PRKG1: variants seen among roughly 807,000 people sequenced by gnomAD.
PRKG1 encodes the protein protein kinase cGMP-dependent 1, also known as cGMP-dependent protein kinase 1.
Under a neutral mutation model 88.1 loss-of-function variants are expected in PRKG1, and 35 were observed. The observed-to-expected ratio is 0.40, with a 90% CI of 0.30 to 0.53. The LOEUF (loss-of-function observed/expected upper bound fraction) is 0.53. PRKG1 is among the 20% of genes least tolerant of loss of function. The probability of loss-of-function intolerance (pLI) is 0.59; values close to 1 mark genes in which losing one functional copy is unlikely to be tolerated. For missense variants in PRKG1, 540 were observed against 839.8 expected (o/e 0.64, Z 4.41); for synonymous variants, 303 against 292.5 (o/e 1.04, Z -0.37).
intron 1 of PRKG1, among the ~76,000 whole-genome samples, chr10:51,029,907 G>C (rs1385183259): frequency 2.0e-5 from 3 of 152,090 alleles, no homozygotes; most frequent in Non-Finnish European, 4.4e-5. Flanking sequence ...ATGTTCTCAT[G>C]TGGGGAAGAT....
rs185783763 is a variant in PRKG1 at position 51,539,185 on chromosome 10, T to A, written c.592+71349T>A. ...TGTTTATGTTCTTTAACATAAACAG[T>A]ATTCACAGTATAGAGATTTGCTAAA... On this transcript the variant is annotated intron_variant, in intron 3 of 17. Coordinates refer to ENST00000373980, the MANE Select transcript of PRKG1 (RefSeq NM_006258.4). Among the ~76,000 whole-genome samples the A allele has an allele frequency of 9.3e-3, 1,416 of 152,234 alleles. 10 individuals are homozygous for A. Among genetic ancestry groups the A allele is most frequent in the Non-Finnish European group, 0.015 (1,029 of 67,972 alleles).
At chr10:52,193,569 A>C (rs1167420088) in intron 9 of PRKG1, among the ~76,000 whole-genome samples, 19 of 140,880 alleles carry the variant, frequency 1.3e-4, no homozygotes, top group African/African-American at 4.9e-4. Context: ...AAAACAAAAA[A>C]AAAAAACAAA....
chr10:51,303,772 T>C lies in PRKG1; in HGVS notation c.478+150442T>C, dbSNP rs550371577. Among the ~76,000 whole-genome samples the C allele has an allele frequency of 5.9e-5, 9 of 152,106 alleles. No individual in the cohort carries two copies. In the South Asian group the frequency reaches 1.7e-3, roughly 28 times the overall value. The stretch of plus-strand genomic sequence containing the variant: ...TAATTCTCTTTAAGATATCACAAAC[T>C]ATTTTTCAATTTTAAAATAAAACTA... On this transcript the variant is annotated intron_variant, in intron 2 of 17. Coordinates refer to ENST00000373980, the MANE Select transcript of PRKG1 (RefSeq NM_006258.4).
intron 3 of PRKG1, among the ~76,000 whole-genome samples, chr10:51,560,446 C>G (rs1429336458): frequency 6.6e-6 from 1 of 152,056 alleles, no homozygotes; most frequent in African/African-American, 2.4e-5. Context: ...AACAGACCTT[C>G]CCTCTTGCAA....
intron 9 of PRKG1, among the ~76,000 whole-genome samples, chr10:52,228,952 A>G (rs1462118454): frequency 6.6e-6 from 1 of 152,234 alleles, no homozygotes; most frequent in Non-Finnish European, 1.5e-5. Context: ...ATGAGTTTTT[A>G]TTCCACTGAC....
chr10:51,771,873 C>T (rs1040049362), intron 3 of PRKG1, among the ~76,000 whole-genome samples: 4 of 152,010 alleles, frequency 2.6e-5, no homozygotes, highest in East Asian at 1.9e-4. Flanking sequence ...TCTAAATATA[C>T]GTATAACAGT....
rs560085725 is a variant in PRKG1 at position 51,952,930 on chromosome 10, A to C, written c.762+45360A>C. On this transcript the variant is annotated intron_variant, in intron 5 of 17. Transcript: ENST00000373980. ...GAGCCTGGGACAGTGTGATTAATACATGTTTATTGTATCCAAGTGAATCTA... is the reference window on the plus strand; with the variant it reads ...GAGCCTGGGACAGTGTGATTAATACCTGTTTATTGTATCCAAGTGAATCTA... Among the ~76,000 whole-genome samples the C allele has an allele frequency of 2.6e-5, 4 of 152,314 alleles. No homozygotes were observed. In the East Asian group the frequency reaches 7.7e-4, roughly 29 times the overall value.
chr10:51,645,393 T>C (rs1404956689), intron 3 of PRKG1, among the ~76,000 whole-genome samples: 1 of 152,212 alleles, frequency 6.6e-6, no homozygotes, highest in Non-Finnish European at 1.5e-5. Flanking sequence ...ATGTCTCATA[T>C]TTGAACTACA....
intron 10 of PRKG1, among the ~76,000 whole-genome samples, chr10:52,261,649 A>G (rs1841436315): frequency 6.6e-6 from 1 of 152,076 alleles, no homozygotes; most frequent in South Asian, 2.1e-4. Context: ...TCTCTTGTGT[A>G]TCCTATGAAA....
intron 3 of PRKG1, among the ~76,000 whole-genome samples, chr10:51,487,633 G>A (rs905720220): frequency 2.8e-5 from 4 of 143,242 alleles, no homozygotes; most frequent in African/African-American, 5.3e-5. Flanking sequence ...AGAGAAGGAA[G>A]AGCCAGATTA....
At chr10:51,088,997 C>T (rs1158679573) in intron 1 of PRKG1, among the ~76,000 whole-genome samples, 1 of 152,068 alleles carries the variant, frequency 6.6e-6, no homozygotes, top group Non-Finnish European at 1.5e-5. Context: ...ATTGCCTGTG[C>T]TCCAAATGGT....
chr10:51,682,934 T>C (rs1840887349), intron 3 of PRKG1, among the ~76,000 whole-genome samples: 2 of 152,228 alleles, frequency 1.3e-5, no homozygotes, highest in South Asian at 4.1e-4. Flanking sequence ...AACTCTCTCT[T>C]CTACCTCTGC....
At chr10:52,118,157 G>T (rs1425324403) in intron 7 of PRKG1, among the ~76,000 whole-genome samples, 2 of 151,758 alleles carry the variant, frequency 1.3e-5, no homozygotes, top group Non-Finnish European at 2.9e-5. Flanking sequence ...ATTTATACTG[G>T]CATTATTTTC....
chr10:52,001,454 T>C (rs962516171), intron 5 of PRKG1, among the ~76,000 whole-genome samples: 1 of 151,954 alleles, frequency 6.6e-6, no homozygotes, highest in African/African-American at 2.4e-5. Flanking sequence ...CATCCAAACA[T>C]CACATTGTAT....
chr10:51,039,574 A>G (rs566619202), intron 1 of PRKG1, among the ~76,000 whole-genome samples: 40 of 151,872 alleles, frequency 2.6e-4, no homozygotes, highest in African/African-American at 8.9e-4. Flanking sequence ...GCTGTGGAGA[A>G]GTTTTTGTGT....
At chr10:51,921,897 A>C (rs1156738481) in intron 5 of PRKG1, among the ~76,000 whole-genome samples, 1 of 151,894 alleles carries the variant, frequency 6.6e-6, no homozygotes, top group Non-Finnish European at 1.5e-5. Context: ...TCTTTTTCTA[A>C]TTTTGGTATA....
At chr10:51,602,327 A>G (rs1204453219) in intron 3 of PRKG1, among the ~76,000 whole-genome samples, 2 of 152,206 alleles carry the variant, frequency 1.3e-5, no homozygotes, top group East Asian at 3.9e-4. Flanking sequence ...ACTAAAATAT[A>G]TGAATCAGAA....
intron 2 of PRKG1, among the ~76,000 whole-genome samples, chr10:51,241,124 C>G (rs1022839132): frequency 1.3e-5 from 2 of 152,086 alleles, no homozygotes; most frequent in African/African-American, 4.8e-5. Flanking sequence ...TGAACTGAGG[C>G]TCATGTTTAG....
In PRKG1 at chr10:51,788,471, G is replaced by A. The variant is rs532749888; in HGVS notation, c.593-16114G>A. On this transcript the variant is annotated intron_variant, in intron 3 of 17. Coordinates refer to ENST00000373980, the MANE Select transcript of PRKG1 (RefSeq NM_006258.4). ...TGCCAGCAGAGAAGGCTGTTAGAGA[G>A]CTCCTTTTCCTGGTGATTTTTTTCC... Among the ~76,000 whole-genome samples the A allele has an allele frequency of 1.4e-3, 209 of 152,240 alleles. 1 individual carries two copies. The highest frequency in any genetic ancestry group is 2.4e-3 in the Non-Finnish European group (165 of 68,006).
Sources: gnomAD v4.1 joint callset for allele counts (sites outside exome capture counted in the v4.1 genomes callset) on GRCh38, gnomAD v4.1.1 for gene constraint, MANE v1.5 for transcripts, NCBI Gene and HGNC (gene_info 2026-07-23, HGNC 2026-07-21) for gene names.